Variants in RABGAP1L observed in about 807,000 individuals in gnomAD.
RABGAP1L encodes the protein rab GTPase-activating protein 1-like.
RABGAP1L carries 63 observed loss-of-function variants against 137.7 expected under a neutral mutation model. The observed-to-expected ratio is 0.46, with a 90% confidence interval of 0.37 to 0.56. The LOEUF is 0.56. RABGAP1L is among the 20% of genes least tolerant of loss of function. The pLI, the probability that RABGAP1L is intolerant of heterozygous loss-of-function variation, is 0.00. For missense variants in RABGAP1L, 1,095 were observed against 1,244.0 expected (o/e 0.88, Z 1.80); for synonymous variants, 431 against 433.7 (o/e 0.99, Z 0.08).
chr1:174,730,437 G>T (rs748827135), intron 17 of RABGAP1L, among the ~76,000 whole-genome samples: 1 of 152,092 alleles, frequency 6.6e-6, no homozygotes, highest in African/African-American at 2.4e-5. Context: ...CCATGTAACC[G>T]ACCTGCATAT....
intron 19 of RABGAP1L, among the ~76,000 whole-genome samples, chr1:174,862,293 C>T (rs894237093): frequency 2.0e-5 from 3 of 152,070 alleles, no homozygotes; most frequent in Non-Finnish European, 4.4e-5. Context: ...TTACTGATTT[C>T]ATGTTACAAC....
In RABGAP1L at chr1:174,241,548, C is replaced by G; in HGVS notation, c.608C>G (p.Ala203Gly). ...CCAATCTATAAGGTGTTATTCTGTG[C>G]ACGTGGACATGACGGAACAACAGAG... ...SFPIYKVLFC[A>G]RGHDGTTESN... Residue 203 changes from alanine (A) to glycine (G), a missense_variant, in exon 5 of 26, where the codon GCA (alanine) becomes GGA (glycine). By Grantham distance (60) the Ala-to-Gly change is moderately conservative (BLOSUM62 0). Coordinates refer to ENST00000681986, the MANE Select transcript of RABGAP1L (RefSeq NM_001366446.1). 6.2e-7 allele frequency: 1 copy of G among 1,612,876 alleles called. No individual in the cohort carries two copies.
intron 1 of RABGAP1L, among the ~76,000 whole-genome samples, chr1:174,182,451 T>C (rs1009521585): frequency 6.6e-6 from 1 of 152,204 alleles, no homozygotes; most frequent in African/African-American, 2.4e-5. Context: ...TAAAATACTT[T>C]GGTTAGAGGT....
At chr1:174,311,498 G>C (rs1053990522) in intron 11 of RABGAP1L, among the ~76,000 whole-genome samples, 10 of 152,140 alleles carry the variant, frequency 6.6e-5, no homozygotes, top group Non-Finnish European at 1.5e-4. Flanking sequence ...TTGATTTTTA[G>C]ATTCCACAAA....
At chr1:174,519,144 T>C (rs926686723) in intron 13 of RABGAP1L, among the ~76,000 whole-genome samples, 1 of 151,628 alleles carries the variant, frequency 6.6e-6, no homozygotes, top group Non-Finnish European at 1.5e-5. Flanking sequence ...TATATATGTA[T>C]ATACTTTTTG....
chr1:174,692,445 A>G (rs558166877), intron 15 of RABGAP1L, among the ~76,000 whole-genome samples: 70 of 152,314 alleles, frequency 4.6e-4, no homozygotes, highest in African/African-American at 1.6e-3. Flanking sequence ...AGTATATCCC[A>G]ACCCAGTTAT....
At chr1:174,614,268 C>G (rs970986937) in intron 13 of RABGAP1L, among the ~76,000 whole-genome samples, 33 of 152,298 alleles carry the variant, frequency 2.2e-4, no homozygotes, top group East Asian at 1.7e-3. Flanking sequence ...GACAAAATCT[C>G]TCAGCATTTG....
intron 19 of RABGAP1L, among the ~76,000 whole-genome samples, chr1:174,852,840 A>C (rs1334606327): frequency 1.3e-5 from 2 of 151,960 alleles, no homozygotes; most frequent in Non-Finnish European, 2.9e-5. Flanking sequence ...AAACAAAAAA[A>C]AGTAGAACCC....
At chr1:174,866,917 A>G (rs567711475) in intron 19 of RABGAP1L, among the ~76,000 whole-genome samples, 64 of 151,946 alleles carry the variant, frequency 4.2e-4, no homozygotes, top group Admixed American at 2.6e-3. Context: ...TCTCAAAAAA[A>G]AAATTTTTTT....
intron 12 of RABGAP1L, among the ~76,000 whole-genome samples, chr1:174,374,949 C>T (rs879282368): frequency 6.6e-6 from 1 of 152,072 alleles, no homozygotes; most frequent in Non-Finnish European, 1.5e-5. Flanking sequence ...TTTACAATAA[C>T]AGTCTGGGCT....
At chr1:174,633,361 C>G (rs907135669) in intron 13 of RABGAP1L, among the ~76,000 whole-genome samples, 17 of 147,776 alleles carry the variant, frequency 1.2e-4, no homozygotes, top group African/African-American at 3.6e-4. Context: ...GAACTACAAA[C>G]CACTGCTCAA....
intron 19 of RABGAP1L, among the ~76,000 whole-genome samples, chr1:174,832,490 T>C (rs1213624375): frequency 6.8e-6 from 1 of 147,828 alleles, no homozygotes; most frequent in Non-Finnish European, 1.5e-5. Flanking sequence ...CCCACTATTC[T>C]AGATGAACTG....
intron 17 of RABGAP1L, among the ~76,000 whole-genome samples, chr1:174,748,915 A>G (rs139441465): frequency 1.8e-3 from 276 of 151,776 alleles, no homozygotes; most frequent in Non-Finnish European, 3.1e-3. Context: ...GCTGGCTCAC[A>G]CATGTAATCC....
chr1:174,309,030 G>A (rs1678567169), intron 11 of RABGAP1L, among the ~76,000 whole-genome samples: 1 of 151,874 alleles, frequency 6.6e-6, no homozygotes. Context: ...CCACTTATTT[G>A]TATCTTCTTA....
At position 174,371,137 on chromosome 1, in the gene RABGAP1L, A is replaced by G. The variant is rs1456818907; in HGVS notation, c.1559+65A>G. 7 of 899,676 alleles carry G rather than the reference A, an allele frequency of 7.8e-6. No individual in the cohort carries two copies. In the Admixed American group the frequency reaches 1.2e-4, roughly 15 times the overall value. The allele number at this position is 899,676 out of a possible 1,614,324, so 55.7% of individuals were successfully genotyped here. Reference sequence around the variant, plus strand: ...ATAGTTGATGTTAATTTGTTGTATTAAAATCTGTGTGTTAAAATAGGTTTT... The same window carrying G: ...ATAGTTGATGTTAATTTGTTGTATTGAAATCTGTGTGTTAAAATAGGTTTT... On this transcript the variant is annotated intron_variant, in intron 12 of 25. Coordinates refer to ENST00000681986, the MANE Select transcript of RABGAP1L (RefSeq NM_001366446.1).
chr1:174,298,087 G>T (rs1677293767), intron 10 of RABGAP1L, among the ~76,000 whole-genome samples: 1 of 152,174 alleles, frequency 6.6e-6, no homozygotes, highest in African/African-American at 2.4e-5. Context: ...ACTCCTAGGG[G>T]TCCAGGGTGT....
intron 18 of RABGAP1L, among the ~76,000 whole-genome samples, chr1:174,767,956 G>C (rs973595106): frequency 1.3e-5 from 2 of 152,104 alleles, no homozygotes; most frequent in African/African-American, 4.8e-5. Flanking sequence ...ATCAGATTTC[G>C]TGAGACTTAT....
intron 13 of RABGAP1L, among the ~76,000 whole-genome samples, chr1:174,546,587 A>T (rs999564481): frequency 2.6e-5 from 4 of 152,222 alleles, no homozygotes; most frequent in African/African-American, 9.6e-5. Context: ...TTTTCTCTGA[A>T]TCCTTTTCCA....
intron 11 of RABGAP1L, among the ~76,000 whole-genome samples, chr1:174,327,751 A>T (rs1680562924): frequency 6.6e-6 from 1 of 151,354 alleles, no homozygotes; most frequent in Non-Finnish European, 1.5e-5. Flanking sequence ...CCCCCAAGAG[A>T]CTCACTTCAC....
Sources: gnomAD v4.1 joint callset for allele counts (sites outside exome capture counted in the v4.1 genomes callset) on GRCh38, gnomAD v4.1.1 for gene constraint, MANE v1.5 for transcripts, NCBI Gene and HGNC (gene_info 2026-07-23, HGNC 2026-07-21) for gene names.